Variants in CSMD1 observed in about 807,000 individuals in gnomAD.
The protein encoded by CSMD1 is CUB and Sushi multiple domains 1.
CSMD1 carries 213 observed loss-of-function variants against 417.5 expected under a neutral mutation model. That is an observed-to-expected ratio of 0.51 (90% CI 0.46 to 0.57). The LOEUF is 0.57. CSMD1 is among the 20% of genes least tolerant of loss of function. The pLI is 0.00. For synonymous variants in CSMD1, 2,862 were observed against 1,736.8 expected (o/e 1.65, Z -16.11); for missense variants, 6,923 against 4,529.7 (o/e 1.53, Z -15.17).
chr8:4,150,675 G>C (rs980358224), intron 3 of CSMD1, among the ~76,000 whole-genome samples: 4 of 152,192 alleles, frequency 2.6e-5, no homozygotes, highest in East Asian at 1.9e-4. Context: ...CAGATAAGGA[G>C]TGTTTAGCAT....
chr8:3,666,103 C>A (rs566073646), intron 7 of CSMD1, among the ~76,000 whole-genome samples: 1 of 152,148 alleles, frequency 6.6e-6, no homozygotes, highest in Non-Finnish European at 1.5e-5. Context: ...ACCATGTTGG[C>A]CAGGCTGGTC....
intron 1 of CSMD1, among the ~76,000 whole-genome samples, chr8:4,904,078 G>A (rs982153603): frequency 1.3e-5 from 2 of 152,030 alleles, no homozygotes; most frequent in Non-Finnish European, 1.5e-5. Flanking sequence ...ACTTACCATG[G>A]AAAAGAACCA....
At chr8:3,533,593 G>T (rs1175829580) in intron 10 of CSMD1, among the ~76,000 whole-genome samples, 2 of 152,064 alleles carry the variant, frequency 1.3e-5, no homozygotes. Context: ...AGAATCTCAG[G>T]GAAGCCCTTG....
intron 23 of CSMD1, among the ~76,000 whole-genome samples, chr8:3,342,891 ATGTGTGTATGTG>A (rs1452326401): frequency 1.4e-5 from 1 of 72,202 alleles, no homozygotes; most frequent in Non-Finnish European, 3.1e-5. Context: ...GTATAAATAT[ATGTGTGTATGTG>A]TGTGTGTGTG....
intron 47 of CSMD1, among the ~76,000 whole-genome samples, chr8:3,093,940 T>G (rs1815123303): frequency 6.6e-6 from 1 of 152,056 alleles, no homozygotes; most frequent in African/African-American, 2.4e-5. Context: ...ACAAAGCGTG[T>G]TTGGTATGTT....
At chr8:3,382,460 A>G (rs1042372018) in intron 18 of CSMD1, among the ~76,000 whole-genome samples, 1 of 125,070 alleles carries the variant, frequency 8.0e-6, no homozygotes, top group Non-Finnish European at 1.7e-5. Context: ...TAATATATAT[A>G]ATATATTATA....
intron 5 of CSMD1, among the ~76,000 whole-genome samples, chr8:3,991,665 A>C: frequency 6.6e-6 from 1 of 152,184 alleles, no homozygotes; most frequent in East Asian, 1.9e-4. Context: ...CTAAGGCAGA[A>C]GGTTGCTGAA....
chr8:4,710,396 T>A (rs1402135979), intron 1 of CSMD1, among the ~76,000 whole-genome samples: 1 of 147,998 alleles, frequency 6.8e-6, no homozygotes, highest in African/African-American at 2.5e-5. Flanking sequence ...AAATATATTA[T>A]TAAATATATA....
At chr8:3,693,507 G>A (rs1800369099) in intron 7 of CSMD1, among the ~76,000 whole-genome samples, 1 of 152,074 alleles carries the variant, frequency 6.6e-6, no homozygotes, top group African/African-American at 2.4e-5. Flanking sequence ...GCAGCCGCCT[G>A]GAGATTCATT....
chr8:3,392,745 T>C (rs1218384422), intron 17 of CSMD1, among the ~76,000 whole-genome samples: 2 of 152,132 alleles, frequency 1.3e-5, no homozygotes, highest in Non-Finnish European at 2.9e-5. Context: ...CTCCCAGGGA[T>C]GTGTTAGTGC....
chr8:3,672,793 C>A (rs183649488), intron 7 of CSMD1, among the ~76,000 whole-genome samples: 2 of 152,228 alleles, frequency 1.3e-5, no homozygotes, highest in East Asian at 1.9e-4. Context: ...CTGGGAGAAC[C>A]CTTTGCTAAA....
At chr8:3,957,857 G>A (rs2129949461) in intron 5 of CSMD1, among the ~76,000 whole-genome samples, 1 of 152,284 alleles carries the variant, frequency 6.6e-6, no homozygotes, top group East Asian at 1.9e-4. Flanking sequence ...CCCATAAGAG[G>A]CACATTTGGA....
chr8:4,094,472 A>C (rs76373324), intron 3 of CSMD1, among the ~76,000 whole-genome samples: 1,726 of 152,296 alleles, frequency 0.011, 13 homozygotes, highest in Non-Finnish European at 0.017. Flanking sequence ...ATCGAAGATG[A>C]TGCCTGGATT....
intron 68 of CSMD1, among the ~76,000 whole-genome samples, chr8:2,947,075 C>A (rs549487115): frequency 2.0e-5 from 3 of 152,148 alleles, no homozygotes; most frequent in African/African-American, 4.8e-5. Flanking sequence ...TTATTTGCCT[C>A]TGTATTATTG....
chr8:3,443,141 T>TAC (rs1815096015), intron 12 of CSMD1, among the ~76,000 whole-genome samples: 1 of 152,198 alleles, frequency 6.6e-6, no homozygotes, highest in South Asian at 2.1e-4. Flanking sequence ...GTGAGCAGTG[T>TAC]ACACTGCACA....
At chr8:3,032,531 T>C (rs147234209) in intron 50 of CSMD1, among the ~76,000 whole-genome samples, 1 of 152,132 alleles carries the variant, frequency 6.6e-6, no homozygotes, top group Admixed American at 6.6e-5. Context: ...AAAAATCTGA[T>C]AACAGAACTG....
chr8:4,415,181 G>A (rs993126675), intron 3 of CSMD1, among the ~76,000 whole-genome samples: 6 of 152,018 alleles, frequency 3.9e-5, no homozygotes, highest in Non-Finnish European at 8.8e-5. Flanking sequence ...GGCTCTCTGA[G>A]CTCCAGAGAA....
At chr8:3,931,817 A>G (rs1448010996) in intron 5 of CSMD1, among the ~76,000 whole-genome samples, 1 of 148,376 alleles carries the variant, frequency 6.7e-6, no homozygotes, top group Admixed American at 6.7e-5. Context: ...GGGACTTCCT[A>G]TTCAAGCAGA....
intron 3 of CSMD1, among the ~76,000 whole-genome samples, chr8:4,170,030 A>G (rs1246534089): frequency 6.6e-6 from 1 of 151,848 alleles, no homozygotes; most frequent in Non-Finnish European, 1.5e-5. Flanking sequence ...ATAAGAGATT[A>G]AATAATTATT....
Sources: allele counts gnomAD v4.1 joint callset (sites outside exome capture counted in the v4.1 genomes callset), GRCh38; gene constraint gnomAD v4.1.1; transcripts MANE v1.5; gene names NCBI Gene and HGNC (gene_info 2026-07-23, HGNC 2026-07-21).